Variants in ALKBH8 observed in about 807,000 individuals in gnomAD.
ALKBH8 encodes the protein tRNA (carboxymethyluridine(34)-5-O)-methyltransferase ALKBH8.
In ALKBH8, 36 loss-of-function variants were observed where a neutral mutation model predicts 59.8. The ratio of observed to expected loss-of-function variants is 0.60; its 90% CI spans 0.46 to 0.79. The LOEUF (loss-of-function observed/expected upper bound fraction) is 0.79, where lower values mean the gene tolerates loss of function less well. Among genes scored for constraint, ALKBH8 ranks in the 30% least tolerant of loss-of-function variants. ALKBH8 has a pLI of 0.00. For synonymous variants in ALKBH8, 276 were observed against 273.6 expected (o/e 1.01, Z -0.09); for missense variants, 768 against 801.0 (o/e 0.96, Z 0.50).
At chr11:107,549,523 C>T (rs912169182) in intron 7 of ALKBH8, among the ~76,000 whole-genome samples, 1 of 152,032 alleles carries the variant, frequency 6.6e-6, no homozygotes, top group African/African-American at 2.4e-5. Flanking sequence ...CTAAAAGTTT[C>T]GTGTAAAAAA....
chr11:107,507,400 G>A (rs1489392531), intron 11 of ALKBH8, among the ~76,000 whole-genome samples: 2 of 152,050 alleles, frequency 1.3e-5, no homozygotes, highest in Admixed American at 6.6e-5. Context: ...ATTAATAGGA[G>A]GAAACTTTGT....
At chr11:107,545,868 T>G (rs1320670447) in intron 7 of ALKBH8, among the ~76,000 whole-genome samples, 2 of 152,190 alleles carry the variant, frequency 1.3e-5, no homozygotes, top group African/African-American at 4.8e-5. Context: ...TTAAATCACA[T>G]GCAAATCCAT....
rs1187634099 is a variant in ALKBH8 at position 107,532,389 on chromosome 11, C to T, written c.789G>A (p.Lys263=). The change falls in exon 8 of 12, where the codon AAG becomes AAA. Residue 263 remains lysine (K), a synonymous_variant. Transcript: ENST00000428149. The stretch of plus-strand genomic sequence containing the variant: ...CTGGCACTGCAATGCCATCTGGGTG[C>T]TTAAAATCCATGACAATCTTGAAGC... ...SLGSEIVMDF[K]HPDGIAVPVM... 1.9e-5 allele frequency: 31 copies of T among 1,613,324 alleles called. No individual in the cohort carries two copies. The highest frequency in any genetic ancestry group is 2.6e-5 in the Non-Finnish European group (31 of 1,179,460).
chr11:107,525,617 T>C (rs906677623), intron 8 of ALKBH8, 25 bp from the exon 9 acceptor site: 16 of 1,344,644 alleles, frequency 1.2e-5, no homozygotes, highest in African/African-American at 9.2e-5. Context: ...CAAAAAAATT[T>C]ACTTAACATT....
rs1052940992 is a variant in ALKBH8 at position 107,556,847 on chromosome 11, C to T, written c.286G>A (p.Ala96Thr). ...TCTTTTCCATTGAGGGTAACATAGG[C>T]TCTCTTAGATTCTTCTGTAGTTCTG... ...RYRTTEESKR[A>T]YVTLNGKEVV... Residue 96 changes from alanine (A) to threonine (T), a missense_variant, in exon 3 of 12, where the codon GCC becomes ACC. Coordinates refer to ENST00000428149, the MANE Select transcript of ALKBH8 (RefSeq NM_138775.3). The T allele has an allele frequency of 2.5e-6, 4 of 1,581,126 alleles. No individual in the cohort carries two copies. The highest frequency in any genetic ancestry group is 3.4e-6 in the Non-Finnish European group (4 of 1,164,300).
intron 7 of ALKBH8, among the ~76,000 whole-genome samples, chr11:107,541,584 T>A (rs1361904455): frequency 6.6e-6 from 1 of 152,232 alleles, no homozygotes; most frequent in East Asian, 1.9e-4. Context: ...AATCCCACTG[T>A]CCTTGGAGTT....
At chr11:107,540,453 G>A (rs947705113) in intron 7 of ALKBH8, among the ~76,000 whole-genome samples, 5 of 152,106 alleles carry the variant, frequency 3.3e-5, no homozygotes, top group African/African-American at 1.2e-4. Context: ...TCTGGCTAAC[G>A]GTCTAGACAC....
At chr11:107,507,337 T>C (rs1385461775) in intron 11 of ALKBH8, among the ~76,000 whole-genome samples, 2 of 152,156 alleles carry the variant, frequency 1.3e-5, no homozygotes, top group Non-Finnish European at 2.9e-5. Flanking sequence ...TCTCAGGTTA[T>C]ATGTTAAAAT....
chr11:107,529,386 GGT>G (rs1488511132), intron 8 of ALKBH8, among the ~76,000 whole-genome samples: 1 of 152,148 alleles, frequency 6.6e-6, no homozygotes, highest in Non-Finnish European at 1.5e-5. Flanking sequence ...AAATGAAACA[GGT>G]GAACTTGTTT....
intron 9 of ALKBH8, among the ~76,000 whole-genome samples, chr11:107,523,386 T>C (rs1460474565): frequency 6.6e-6 from 1 of 152,030 alleles, no homozygotes; most frequent in Non-Finnish European, 1.5e-5. Context: ...CTCACTCATA[T>C]ATGGAATCTA....
intron 7 of ALKBH8, among the ~76,000 whole-genome samples, chr11:107,545,321 C>T (rs1162482959): frequency 4.6e-5 from 7 of 151,968 alleles, no homozygotes; most frequent in Admixed American, 4.6e-4. Flanking sequence ...ACAGAAGTAC[C>T]CTGTGAGTCA....
At position 107,504,761 on chromosome 11, in the gene ALKBH8, C is replaced by T. The variant is rs370685130; in HGVS notation, c.1892G>A (p.Arg631His). Residue 631 changes from arginine to histidine, a missense_variant, in exon 12 of 12, where the codon CGT becomes CAT. By Grantham distance (29) the Arg-to-His change is conservative. Coordinates refer to ENST00000428149, the MANE Select transcript of ALKBH8 (RefSeq NM_138775.3). ...GCAGGCACCTTCCAGTTCTCCCTCA[C>T]GGAACACATGGTAGTAACGATGAAA... ...PVFHRYYHVF[R>H]EGELEGACRT... is the part of the protein sequence containing the mutation. 2.5e-4 allele frequency: 381 copies of T among 1,552,088 alleles called. No homozygotes were observed. Among genetic ancestry groups the T allele is most frequent in the African/African-American group, 2.3e-3 (168 of 73,128 alleles).
chr11:107,550,779 G>A (rs1376658228), intron 6 of ALKBH8, among the ~76,000 whole-genome samples: 4 of 152,066 alleles, frequency 2.6e-5, no homozygotes, highest in Admixed American at 6.5e-5. Context: ...AATCTTACAC[G>A]TGGAAGCTCG....
At chr11:107,545,007 T>C (rs1864192316) in intron 7 of ALKBH8, among the ~76,000 whole-genome samples, 1 of 152,076 alleles carries the variant, frequency 6.6e-6, no homozygotes, top group South Asian at 2.1e-4. Flanking sequence ...AGACAATCCA[T>C]TTTTCAGAAC....
Position 107,548,280 on chromosome 11 carries a change from G to A in ALKBH8, c.771+1473C>T, listed in dbSNP as rs548076941. 3.3e-5 allele frequency among the ~76,000 whole-genome samples: 5 copies of A among 152,336 alleles called. No individual in the cohort carries two copies. The East Asian group carries it at 9.6e-4, about 29-fold the overall frequency. ...GGAAGGTCTCCAGTTGTCCAGCTAC[G>A]CCAGTGACAAGGTCAGTATGTCTCT... On this transcript the variant is annotated intron_variant, in intron 7 of 11. Coordinates refer to ENST00000428149, the MANE Select transcript of ALKBH8 (RefSeq NM_138775.3).
intron 11 of ALKBH8, among the ~76,000 whole-genome samples, chr11:107,509,256 A>T (rs772937219): frequency 2.0e-5 from 3 of 152,312 alleles, no homozygotes; most frequent in East Asian, 1.9e-4. Flanking sequence ...TTCCCTAATG[A>T]TTAGTGATGC....
intron 11 of ALKBH8, among the ~76,000 whole-genome samples, chr11:107,509,345 T>G (rs1344703022): frequency 1.3e-5 from 2 of 152,222 alleles, no homozygotes; most frequent in Non-Finnish European, 2.9e-5. Context: ...CTGTCCATTT[T>G]TAAATTGTTT....
At chr11:107,526,184 A>G (rs1863346068) in intron 8 of ALKBH8, among the ~76,000 whole-genome samples, 2 of 151,996 alleles carry the variant, frequency 1.3e-5, no homozygotes, top group Admixed American at 1.3e-4. Flanking sequence ...TAAGGTAAGA[A>G]ACTTCTAGTT....
At chr11:107,545,178 C>T (rs1591306718) in intron 7 of ALKBH8, among the ~76,000 whole-genome samples, 1 of 152,066 alleles carries the variant, frequency 6.6e-6, no homozygotes, top group Non-Finnish European at 1.5e-5. Context: ...GGAGATGAAG[C>T]CAGTATGTCT....
Sources: gnomAD v4.1 joint callset for allele counts (sites outside exome capture counted in the v4.1 genomes callset) on GRCh38, gnomAD v4.1.1 for gene constraint, MANE v1.5 for transcripts, NCBI Gene and HGNC (gene_info 2026-07-23, HGNC 2026-07-21) for gene names.